TRPC6: variants seen among roughly 807,000 people sequenced by gnomAD.
TRPC6 encodes transient receptor potential cation channel subfamily C member 6, also known as short transient receptor potential channel 6.
TRPC6 carries 55 observed loss-of-function variants against 90.7 expected under a neutral mutation model. That is an observed-to-expected ratio of 0.61 (90% CI 0.49 to 0.76). The LOEUF (loss-of-function observed/expected upper bound fraction) is 0.76. TRPC6 is among the 30% of genes least tolerant of loss of function. TRPC6 has a pLI of 0.00. For missense variants in TRPC6, 989 were observed against 1,122.7 expected, an observed-to-expected ratio of 0.88 and a Z score of 1.70; for synonymous variants, 393 against 393.0, an observed-to-expected ratio of 1.00 and a Z score of 0.00.
chr11:101,452,921 C>A lies in TRPC6; in HGVS notation c.*34G>T, dbSNP rs1013603763. The stretch of plus-strand genomic sequence containing the variant: ...AGAAAATAATATGGCTTCAAGTGGA[C>A]AAATAAATATGAATTTCTAAGGAAG... On this transcript the variant is annotated 3_prime_UTR_variant, in exon 13 of 13. Transcript: ENST00000344327. 1 of 1,612,182 alleles carries A rather than the reference C, an allele frequency of 6.2e-7. No individual in the cohort carries two copies. The highest frequency in any genetic ancestry group is 1.3e-5 in the African/African-American group (1 of 74,856).
intron 1 of TRPC6, among the ~76,000 whole-genome samples, chr11:101,573,122 AG>A (rs1336788182): frequency 2.0e-5 from 3 of 147,758 alleles, no homozygotes; most frequent in African/African-American, 4.9e-5. Flanking sequence ...CTAGTGATAC[AG>A]TATGACGTCC....
In TRPC6 at chr11:101,543,474, C is replaced by T. The variant is rs555755635; in HGVS notation, c.171-38676G>A. ...TCATGCTACCTGACTTCAAACTATA[C>T]TATAAGGCTACAGTAACCAAAACAG... is the stretch of plus-strand genomic sequence containing the variant. On this transcript the variant is annotated intron_variant, in intron 1 of 12. Coordinates refer to ENST00000344327, the MANE Select transcript of TRPC6 (RefSeq NM_004621.6). Among the ~76,000 whole-genome samples, 17 of 152,208 alleles carry T rather than the reference C, an allele frequency of 1.1e-4. No individual in the cohort carries two copies. In the East Asian group the frequency reaches 1.9e-3, roughly 17 times the overall value.
At chr11:101,506,218 G>A (rs1324747246) in intron 1 of TRPC6, among the ~76,000 whole-genome samples, 1 of 147,586 alleles carries the variant, frequency 6.8e-6, no homozygotes, top group Admixed American at 6.6e-5. Context: ...ACTGGAACAG[G>A]GCCAGGTTAT....
In TRPC6 at chr11:101,472,125, T is replaced by C. The variant is rs202073927; in HGVS notation, c.2205+12A>G. The C allele has an allele frequency of 1.9e-6, 3 of 1,609,836 alleles. No individual in the cohort carries two copies. The highest frequency in any genetic ancestry group is 2.5e-6 in the Non-Finnish European group (3 of 1,178,288). On this transcript the variant is annotated intron_variant, in intron 8 of 12. Coordinates refer to ENST00000344327, the MANE Select transcript of TRPC6 (RefSeq NM_004621.6). ...TGAAGGCACAAATTATAAAAATGTA[T>C]TGAGATTATACCTCAATTTCCTGGA...
At chr11:101,499,606 G>GT (rs1565218470) in intron 2 of TRPC6, among the ~76,000 whole-genome samples, 3,348 of 57,436 alleles carry the variant, frequency 0.058, 548 homozygotes, top group Non-Finnish European at 0.068. Flanking sequence ...ACGTATATAT[G>GT]GTATATATAT....
At chr11:101,477,416 T>G (rs1033508900) in intron 5 of TRPC6, among the ~76,000 whole-genome samples, 4 of 152,144 alleles carry the variant, frequency 2.6e-5, no homozygotes, top group Admixed American at 6.6e-5. Context: ...ATCTTTATAT[T>G]GTAATGCTAA....
rs377030784 is a variant in TRPC6, at chr11:101,458,871, G to C, written c.2485-3770C>G. Among the ~76,000 whole-genome samples the C allele has an allele frequency of 3.3e-5, 5 of 152,132 alleles. No homozygotes were observed. In the East Asian group the frequency reaches 9.6e-4, roughly 29 times the overall value. On this transcript the variant is annotated intron_variant, in intron 10 of 12. Transcript: ENST00000344327. Reference sequence around the variant, plus strand: ...AGAGAGAGAAGACCTGAGTGAATCAGAAATTCACTTACCATCTTAGATATA... The same window carrying C: ...AGAGAGAGAAGACCTGAGTGAATCACAAATTCACTTACCATCTTAGATATA...
At chr11:101,503,111 GA>G (rs1860170154) in intron 2 of TRPC6, among the ~76,000 whole-genome samples, 1 of 152,108 alleles carries the variant, frequency 6.6e-6, no homozygotes, top group South Asian at 2.1e-4. Context: ...GGCATTAGAG[GA>G]TCAGAACTAC....
At chr11:101,549,698 A>ATAAAT (rs139328419) in intron 1 of TRPC6, among the ~76,000 whole-genome samples, 36,226 of 150,486 alleles carry the variant, frequency 0.24, 4,663 homozygotes, top group East Asian at 0.4. Context: ...ATATTTCAAA[A>ATAAAT]TAAATAATAA....
intron 1 of TRPC6, among the ~76,000 whole-genome samples, chr11:101,548,353 A>AAT (rs1861364511): frequency 1.4e-5 from 2 of 143,362 alleles, no homozygotes; most frequent in African/African-American, 5.1e-5. Context: ...ATATAATTAT[A>AAT]TAATTATATC....
rs945494921 is a variant in TRPC6 at position 101,473,880 on chromosome 11, G to A, written c.1745-107C>T. The A allele has an allele frequency of 1.5e-5, 22 of 1,499,026 alleles. No homozygotes were observed. The Admixed American group carries it at 1.9e-4, about 13-fold the overall frequency. 92.9% of individuals were successfully genotyped at this position (1,499,026 alleles called of 1,614,324 possible). A position where few individuals can be genotyped will look rare whatever the true frequency, so the allele number is the denominator to read the frequency against. On this transcript the variant is annotated intron_variant, in intron 6 of 12. Coordinates refer to ENST00000344327, the MANE Select transcript of TRPC6 (RefSeq NM_004621.6). Reference sequence around the variant, plus strand: ...ATAGTTATGTTAGAATCCGGTTTTCGAATGGAAGTCTCCTATCTTAAAGGG... The same window carrying A: ...ATAGTTATGTTAGAATCCGGTTTTCAAATGGAAGTCTCCTATCTTAAAGGG...
Position 101,504,716 on chromosome 11 carries a change from C to A in TRPC6, c.253G>T (p.Ala85Ser). 1 of 1,594,250 alleles carries A rather than the reference C, an allele frequency of 6.3e-7. No homozygotes were observed. Among genetic ancestry groups the A allele is most frequent in the Non-Finnish European group, 8.5e-7 (1 of 1,169,610 alleles). ...KGRRLANRGP[A>S]YMFSDRSTSL... Reference sequence around the variant, plus strand: ...GTGGAGCGATCACTAAACATGTATGCTGGTCCTCGATTAGCTAACCTTCTC... The same window carrying A: ...GTGGAGCGATCACTAAACATGTATGATGGTCCTCGATTAGCTAACCTTCTC... The change falls in exon 2 of 13, where the codon GCA becomes TCA. Residue 85 changes from alanine (A) to serine (S), a missense_variant. This residue lies in a region of TRPC6 where 194 missense variants were observed against 136.5 expected (regional missense o/e 1.42). Transcript: ENST00000344327.
chr11:101,460,331 AACTT>A lies in TRPC6; in HGVS notation c.2485-5234_2485-5231del, dbSNP rs144860728. On this transcript the variant is annotated intron_variant, in intron 10 of 12. Transcript: ENST00000344327. ...AAAAAATGGTGTACTATTTCCATAT[AACTT>A]ACTTACTCATAGCCACTGGTATAAC... 1.8e-3 allele frequency among the ~76,000 whole-genome samples: 274 copies of A among 152,310 alleles called. 2 individuals carry two copies. Among genetic ancestry groups the A allele is most frequent in the African/African-American group, 6.2e-3 (257 of 41,574 alleles).
chr11:101,466,291 C>T (rs1461042942), intron 10 of TRPC6, among the ~76,000 whole-genome samples: 1 of 152,202 alleles, frequency 6.6e-6, no homozygotes, highest in Non-Finnish European at 1.5e-5. Flanking sequence ...TTTAAGTCTG[C>T]TGAAGCTGTG....
rs973377719 is a variant in TRPC6 at position 101,514,364 on chromosome 11, T to C, written c.171-9566A>G. Among the ~76,000 whole-genome samples, 17 of 152,154 alleles carry C rather than the reference T, an allele frequency of 1.1e-4. 1 individual carries two copies. The highest frequency in any genetic ancestry group is 4.1e-4 in the African/African-American group (17 of 41,490). On this transcript the variant is annotated intron_variant, in intron 1 of 12. Transcript: ENST00000344327. ...TGGCATATAAATGATTAGCGAACAG[T>C]TTTCAACCCAATCTGAAGGTCAGGG... is the stretch of plus-strand genomic sequence containing the variant.
At chr11:101,568,043 T>G (rs1861875578) in intron 1 of TRPC6, among the ~76,000 whole-genome samples, 1 of 152,106 alleles carries the variant, frequency 6.6e-6, no homozygotes, top group African/African-American at 2.4e-5. Context: ...GAAATAGGCT[T>G]CAGAAGGTGG....
chr11:101,489,131 T>C lies in TRPC6; in HGVS notation c.1129-30A>G, dbSNP rs146132521. Reference sequence around the variant, plus strand: ...CAGGGAAGTGACAAAATATTTAAATTTGACTAAAGAAAGGTTCAGCATAAA... The same window carrying C: ...CAGGGAAGTGACAAAATATTTAAATCTGACTAAAGAAAGGTTCAGCATAAA... On this transcript the variant is annotated intron_variant, in intron 3 of 12. Transcript: ENST00000344327. 6.7e-4 allele frequency: 1,071 copies of C among 1,610,376 alleles called. 11 individuals carry two copies. In the African/African-American group the frequency reaches 0.013, roughly 19 times the overall value.
chr11:101,554,695 A>T (rs12363799), intron 1 of TRPC6, among the ~76,000 whole-genome samples: 15,628 of 152,210 alleles, frequency 0.1, 911 homozygotes, highest in Middle Eastern at 0.14. Context: ...AAAAAATTTT[A>T]AAAAACAAAG....
chr11:101,545,679 C>T (rs1005183188), intron 1 of TRPC6, among the ~76,000 whole-genome samples: 10 of 152,176 alleles, frequency 6.6e-5, no homozygotes, highest in Non-Finnish European at 1.3e-4. Flanking sequence ...AGCCTTAATA[C>T]ATTTCTTATA....
Sources: gnomAD v4.1 joint callset for allele counts (sites outside exome capture counted in the v4.1 genomes callset) on GRCh38, gnomAD v4.1.1 for gene constraint, gnomAD v4.1.1 regional missense constraint, MANE v1.5 for transcripts, NCBI Gene and HGNC (gene_info 2026-07-23, HGNC 2026-07-21) for gene names.